The following TMEM268 variants were observed in gnomAD, a reference collection of about 807,000 sequenced individuals.
The protein encoded by TMEM268 is transmembrane protein 268, also known as transmembrane protein C9orf91.
Under a neutral mutation model 39.1 loss-of-function variants are expected in TMEM268, and 24 were observed. The ratio of observed to expected loss-of-function variants is 0.61; its 90% confidence interval spans 0.44 to 0.86. The LOEUF is 0.86. Among genes scored for constraint, TMEM268 ranks in the 40% least tolerant of loss-of-function variants. The pLI is 0.00. For synonymous variants in TMEM268, 176 were observed against 173.5 expected, an observed-to-expected ratio of 1.01 and a Z score of -0.12; for missense variants, 409 against 428.6, an observed-to-expected ratio of 0.95 and a Z score of 0.40.
Position 114,644,632 on chromosome 9 carries a change from C to T in TMEM268, c.*1319C>T, listed in dbSNP as rs1260233035. On this transcript the variant is annotated 3_prime_UTR_variant, in exon 9 of 9. Coordinates refer to ENST00000288502, the MANE Select transcript of TMEM268 (RefSeq NM_153045.4). ...TGTGGATTGATTGCTTTGCCATCCC[C>T]ACAGCAGCTTTTGCAAATTGCTTTC... is the stretch of plus-strand genomic sequence containing the variant. The T allele has an allele frequency of 2.0e-5, 3 of 152,124 alleles. No individual in the cohort carries two copies. The highest frequency in any genetic ancestry group is 7.2e-5 in the African/African-American group (3 of 41,414). The allele number at this position is 152,124 out of a possible 1,614,324, so 9.4% of individuals were successfully genotyped here. A position where few individuals can be genotyped will look rare whatever the true frequency, so the allele number is the denominator to read the frequency against.
intron 8 of TMEM268, among the ~76,000 whole-genome samples, chr9:114,639,678 CTT>C (rs1008027831): frequency 6.6e-6 from 1 of 151,748 alleles, no homozygotes; most frequent in Non-Finnish European, 1.5e-5. Context: ...CAGGCTTACT[CTT>C]TTGTGCTGGT....
At chr9:114,606,240 G>A (rs1036050172), upstream of TMEM268, among the ~76,000 whole-genome samples, 14 of 152,098 alleles carry the variant, frequency 9.2e-5, no homozygotes, top group Non-Finnish European at 1.9e-4. Flanking sequence ...ACAGATCCCT[G>A]ACCCCTATCT....
upstream of TMEM268, among the ~76,000 whole-genome samples, chr9:114,609,719 GAAAAAGAAAAA>G (rs1564279367): frequency 7.5e-4 from 62 of 83,024 alleles, no homozygotes; most frequent in East Asian, 0.02. Flanking sequence ...AAAAGAAAAA[GAAAAAGAAAAA>G]GAAGGAAGGA....
chr9:114,605,621 T>C, the TMEM268 span, among the ~76,000 whole-genome samples: 1 of 152,152 alleles, frequency 6.6e-6, no homozygotes, highest in African/African-American at 2.4e-5. Flanking sequence ...CTTTTTTTCC[T>C]ACTTGAAAAT....
In TMEM268 at chr9:114,638,716, C is replaced by T. The variant is rs920004740; in HGVS notation, c.839C>T (p.Ala280Val). 6.3e-7 allele frequency: 1 copy of T among 1,582,480 alleles called. No homozygotes were observed. Among genetic ancestry groups the T allele is most frequent in the South Asian group, 1.2e-5 (1 of 86,028 alleles). The change falls in exon 8 of 9, where the codon GCT (alanine) becomes GTT (valine). Residue 280 changes from alanine to valine, a missense_variant. Coordinates refer to ENST00000288502, the MANE Select transcript of TMEM268 (RefSeq NM_153045.4). ...QTELHQLVPEAEPEEMARQLL... is the reference protein window; with the variant it reads ...QTELHQLVPEVEPEEMARQLL... ...GAGCTTCATCAGCTTGTTCCTGAGG[C>T]TGAGCCGGAGGTAACAGGCACTGGG...
chr9:114,637,222 CT>C, intron 7 of TMEM268, 152 bp downstream of exon 7: 1 of 549,190 alleles, frequency 1.8e-6, no homozygotes, highest in Non-Finnish European at 3.3e-6. Flanking sequence ...GGAATTATGG[CT>C]GCTTTTCTGC....
At chr9:114,619,307 AC>A in intron 2 of TMEM268, among the ~76,000 whole-genome samples, 1 of 152,040 alleles carries the variant, frequency 6.6e-6, no homozygotes, top group Non-Finnish European at 1.5e-5. Context: ...ACACACACAC[AC>A]ACACACACAC....
At chr9:114,629,615 A>T (rs1564293698) in intron 5 of TMEM268, among the ~76,000 whole-genome samples, 1 of 152,272 alleles carries the variant, frequency 6.6e-6, no homozygotes, top group East Asian at 1.9e-4. Flanking sequence ...GGCGAATAGG[A>T]TTTAGACATC....
At chr9:114,618,040 C>G (rs912227229) in intron 2 of TMEM268, among the ~76,000 whole-genome samples, 2 of 151,918 alleles carry the variant, frequency 1.3e-5, no homozygotes, top group Non-Finnish European at 2.9e-5. Flanking sequence ...CCACGCCCAG[C>G]TAATTTTCGT....
chr9:114,614,111 G>A (rs1038282635), intron 1 of TMEM268, among the ~76,000 whole-genome samples: 4 of 152,162 alleles, frequency 2.6e-5, no homozygotes, highest in African/African-American at 7.2e-5. Context: ...AGCAAGGTTC[G>A]GGTTGTTAAG....
chr9:114,625,446 T>C (rs1457113467), intron 3 of TMEM268, among the ~76,000 whole-genome samples: 7 of 114,138 alleles, frequency 6.1e-5, no homozygotes, highest in Non-Finnish European at 9.3e-5. Flanking sequence ...TCTTCTTCTT[T>C]TTTTTTTTTT....
intron 5 of TMEM268, among the ~76,000 whole-genome samples, chr9:114,631,642 C>T (rs1464485135): frequency 1.3e-5 from 2 of 152,152 alleles, no homozygotes; most frequent in Non-Finnish European, 2.9e-5. Context: ...AGGAATTGAA[C>T]TATTGGTGAT....
chr9:114,640,517 T>C (rs1846858778), intron 8 of TMEM268, among the ~76,000 whole-genome samples: 1 of 152,136 alleles, frequency 6.6e-6, no homozygotes, highest in African/African-American at 2.4e-5. Flanking sequence ...GTGGGTGAAA[T>C]AAGGTTCCAA....
At chr9:114,629,485 A>G (rs1846298732) in intron 5 of TMEM268, among the ~76,000 whole-genome samples, 1 of 152,186 alleles carries the variant, frequency 6.6e-6, no homozygotes, top group African/African-American at 2.4e-5. Context: ...TTGTGATTAC[A>G]TTGGGCCAGC....
upstream of TMEM268, among the ~76,000 whole-genome samples, chr9:114,607,907 T>C (rs529806816): frequency 2.6e-5 from 4 of 151,670 alleles, 1 homozygote; most frequent in African/African-American, 9.7e-5. Flanking sequence ...GAGAGGGTTA[T>C]AGGAGGAAAT....
chr9:114,617,877 T>A (rs1845795234), intron 2 of TMEM268, among the ~76,000 whole-genome samples: 1 of 148,548 alleles, frequency 6.7e-6, no homozygotes, highest in South Asian at 2.2e-4. Context: ...TTTTAATTTT[T>A]TATTTTTTTT....
intron 7 of TMEM268, 85 bp from the exon 8 acceptor site, chr9:114,638,459 C>T (rs1846738519): frequency 1.3e-5 from 13 of 1,028,244 alleles, no homozygotes; most frequent in Admixed American, 8.7e-5. Flanking sequence ...ATCTTCTGCT[C>T]GGTCTGCAGC....
At position 114,620,940 on chromosome 9, in the gene TMEM268, A is replaced by G. The variant is rs1845923197; in HGVS notation, c.107-3410A>G. ...CCCACCACTTCCAAAAAAAAACAGGAGAGAGAGAAAAAAAGCAAAATAAAT... is the reference window on the plus strand; with the variant it reads ...CCCACCACTTCCAAAAAAAAACAGGGGAGAGAGAAAAAAAGCAAAATAAAT... On this transcript the variant is annotated intron_variant, in intron 2 of 8. Coordinates refer to ENST00000288502, the MANE Select transcript of TMEM268 (RefSeq NM_153045.4). 2.6e-5 allele frequency among the ~76,000 whole-genome samples: 4 copies of G among 151,572 alleles called. No homozygotes were observed. The South Asian group carries it at 8.3e-4, about 31-fold the overall frequency.
intron 3 of TMEM268, among the ~76,000 whole-genome samples, chr9:114,624,904 C>T (rs1846094415): frequency 6.6e-6 from 1 of 152,202 alleles, no homozygotes; most frequent in Non-Finnish European, 1.5e-5. Flanking sequence ...GATGCTTGAT[C>T]TGGGATCTTG....
Sources: gnomAD v4.1 joint callset for allele counts (sites outside exome capture counted in the v4.1 genomes callset) on GRCh38, gnomAD v4.1.1 for gene constraint, MANE v1.5 for transcripts, NCBI Gene and HGNC (gene_info 2026-07-23, HGNC 2026-07-21) for gene names.